The following PIGBOS1 variants were observed in gnomAD, a reference collection of about 807,000 sequenced individuals.
PIGBOS1 encodes the protein PIGB opposite strand 1.
At chr15:55,317,943 A>C (rs965935637) in intron 1 of PIGBOS1, 76 bp from the exon 2 acceptor site, 3 of 380,854 alleles carry the variant, frequency 7.9e-6, no homozygotes, top group Non-Finnish European at 1.4e-5. Flanking sequence ...ACTACTTTGC[A>C]CTGGAGTGAA....
In PIGBOS1 at chr15:55,318,976, CCTG is replaced by C. The variant is rs1162212184; in HGVS notation, c.-191_-189del. On this transcript the variant is annotated 5_prime_UTR_variant, in exon 1 of 2. Coordinates refer to ENST00000436697, the MANE Select transcript of PIGBOS1 (RefSeq NM_001308421.2). ...CTCCACGTCACTAAACTCGCTACCG[CCTG>C]CTCCCCTCCAGAGACCGGGGGCCTT... 2 of 404,804 alleles carry C rather than the reference CCTG, an allele frequency of 4.9e-6. No individual in the cohort carries two copies. Among genetic ancestry groups the C allele is most frequent in the Non-Finnish European group, 9.0e-6 (2 of 223,446 alleles). 25.1% of individuals were successfully genotyped at this position (404,804 alleles called of 1,614,324 possible). A position where few individuals can be genotyped will look rare whatever the true frequency, so the allele number is the denominator to read the frequency against.
In PIGBOS1 at chr15:55,318,885, T is replaced by G. The variant is rs909064081; in HGVS notation, c.-97A>C. On this transcript the variant is annotated 5_prime_UTR_variant, in exon 1 of 2. Transcript: ENST00000436697. ...GAACCTGAAATGTTAACACCAACAC[T>G]GACGTCTACAATTACCGTTACCGTT... The G allele has an allele frequency of 5.0e-6, 1 of 201,994 alleles. No homozygotes were observed. Among genetic ancestry groups the G allele is most frequent in the African/African-American group, 2.3e-5 (1 of 42,854 alleles). The allele number at this position is 201,994 out of a possible 1,614,324, so 12.5% of individuals were successfully genotyped here.
chr15:55,318,309 G>A (rs2055077023), intron 1 of PIGBOS1, among the ~76,000 whole-genome samples: 1 of 151,220 alleles, frequency 6.6e-6, no homozygotes, highest in Non-Finnish European at 1.5e-5. Context: ...GTGTTAGCCA[G>A]GATGGTCTCG....
At chr15:55,318,713 C>T (rs1401825798) in intron 1 of PIGBOS1, among the ~76,000 whole-genome samples, 151 bp downstream of exon 1, 1 of 103,094 alleles carries the variant, frequency 9.7e-6, no homozygotes, top group Non-Finnish European at 1.7e-5. Context: ...AAAAAAAAAA[C>T]AAAAACAAAA....
In PIGBOS1 at chr15:55,319,055, T is replaced by G; in HGVS notation, c.-267A>C. On this transcript the variant is annotated 5_prime_UTR_variant, in exon 1 of 2. Coordinates refer to ENST00000436697, the MANE Select transcript of PIGBOS1 (RefSeq NM_001308421.2). ...CAGAGACCGCCAAGCCAAAGGCGAG[T>G]AGCAATCCCTCGGTTCGGAAACGGC... 1.7e-6 allele frequency: 1 copy of G among 602,978 alleles called. No homozygotes were observed. Among genetic ancestry groups the G allele is most frequent in the Non-Finnish European group, 2.7e-6 (1 of 364,606 alleles). The allele number at this position is 602,978 out of a possible 1,614,324, so 37.4% of individuals were successfully genotyped here.
At chr15:55,318,120 C>A (rs557154978) in intron 1 of PIGBOS1, among the ~76,000 whole-genome samples, 2 of 134,626 alleles carry the variant, frequency 1.5e-5, no homozygotes, top group South Asian at 2.3e-4. Context: ...TTTTTTGAGA[C>A]GGAGTCTCGC....
Position 55,318,903 on chromosome 15 carries a change from T to A in PIGBOS1, c.-115A>T. 1 of 227,730 alleles carries A rather than the reference T, an allele frequency of 4.4e-6. No homozygotes were observed. Among genetic ancestry groups the A allele is most frequent in the Non-Finnish European group, 8.7e-6 (1 of 114,734 alleles). 14.1% of individuals were successfully genotyped at this position (227,730 alleles called of 1,614,324 possible). ...CCAACACTGACGTCTACAATTACCGTTACCGTTTTTAATAACCACTCAGGT... is the reference window on the plus strand; with the variant it reads ...CCAACACTGACGTCTACAATTACCGATACCGTTTTTAATAACCACTCAGGT... On this transcript the variant is annotated 5_prime_UTR_variant, in exon 1 of 2. Transcript: ENST00000436697.
rs922564571 is a variant in PIGBOS1, at chr15:55,317,736, A to G, written c.57T>C (p.Ala19=). 2.5e-6 allele frequency: 1 copy of G among 398,514 alleles called. No homozygotes were observed. The highest frequency in any genetic ancestry group is 2.1e-5 in the African/African-American group (1 of 48,636). The allele number at this position is 398,514 out of a possible 1,614,324, so 24.7% of individuals were successfully genotyped here. Residue 19 remains alanine (A), a synonymous_variant, in exon 2 of 2, where the codon GCT becomes GCC. Coordinates refer to ENST00000436697, the MANE Select transcript of PIGBOS1 (RefSeq NM_001308421.2). The stretch of plus-strand genomic sequence containing the variant: ...CTGGTTGAAAAATATATACTCCTCC[A>G]GCAATTCCAAGGACAGTGGCAAAAA... ...QLLFATVLGI[A]GGVYIFQPVF...
Position 55,319,081 on chromosome 15 carries a change from G to GA in PIGBOS1, c.-294dup. ...AGCAATCCCTCGGTTCGGAAACGGC[G>GA]AAAGGAAACCGCAAGGAGGCCACCA... On this transcript the variant is annotated 5_prime_UTR_variant, in exon 1 of 2. Transcript: ENST00000436697. 1.3e-6 allele frequency: 1 copy of GA among 784,650 alleles called. No individual in the cohort carries two copies. 48.6% of individuals were successfully genotyped at this position (784,650 alleles called of 1,614,324 possible). A position where few individuals can be genotyped will look rare whatever the true frequency, so the allele number is the denominator to read the frequency against.
At chr15:55,318,432 C>CA (rs1354143513) in intron 1 of PIGBOS1, among the ~76,000 whole-genome samples, 1 of 141,282 alleles carries the variant, frequency 7.1e-6, no homozygotes, top group African/African-American at 2.5e-5. Context: ...GGGCCGCACG[C>CA]GGTGGCTCAC....
At position 55,317,798 on chromosome 15, in the gene PIGBOS1, C is replaced by A; in HGVS notation, c.-6G>T. Reference sequence around the variant, plus strand: ...AAAGTCAATCTCCTAAACATTGCTGCAACAAATACAGCTCAAGGAAAAGCT... The same window carrying A: ...AAAGTCAATCTCCTAAACATTGCTGAAACAAATACAGCTCAAGGAAAAGCT... On this transcript the variant is annotated 5_prime_UTR_variant, in exon 2 of 2. Coordinates refer to ENST00000436697, the MANE Select transcript of PIGBOS1 (RefSeq NM_001308421.2). 2.5e-6 allele frequency: 1 copy of A among 398,014 alleles called. No individual in the cohort carries two copies. Among genetic ancestry groups the A allele is most frequent in the Non-Finnish European group, 4.4e-6 (1 of 225,668 alleles). The allele number at this position is 398,014 out of a possible 1,614,324, so 24.7% of individuals were successfully genotyped here.
Position 55,317,765 on chromosome 15 carries a change from G to C in PIGBOS1, c.28C>G (p.Leu10Val). 1 of 398,550 alleles carries C rather than the reference G, an allele frequency of 2.5e-6. No individual in the cohort carries two copies. 24.7% of individuals were successfully genotyped at this position (398,550 alleles called of 1,614,324 possible). MFRRLTFAQ[L>V]LFATVLGIAG... is the part of the protein sequence containing the mutation. Reference sequence around the variant, plus strand: ...ATTCCAAGGACAGTGGCAAAAAGCAGTTGTGCAAAAGTCAATCTCCTAAAC... The same window carrying C: ...ATTCCAAGGACAGTGGCAAAAAGCACTTGTGCAAAAGTCAATCTCCTAAAC... The change falls in exon 2 of 2, where the codon CTG (leucine) becomes GTG (valine). Residue 10 changes from leucine to valine, a missense_variant. Transcript: ENST00000436697.
Position 55,317,824 on chromosome 15 carries a change from G to A in PIGBOS1, c.-32C>T. 7.6e-6 allele frequency: 3 copies of A among 397,200 alleles called. No individual in the cohort carries two copies. The highest frequency in any genetic ancestry group is 6.3e-4 in the Middle Eastern group (1 of 1,584). The allele number at this position is 397,200 out of a possible 1,614,324, so 24.6% of individuals were successfully genotyped here. The stretch of plus-strand genomic sequence containing the variant: ...AACAAATACAGCTCAAGGAAAAGCT[G>A]GTTTTGGAAAGTCACACTCCACACC... On this transcript the variant is annotated 5_prime_UTR_variant, in exon 2 of 2. Coordinates refer to ENST00000436697, the MANE Select transcript of PIGBOS1 (RefSeq NM_001308421.2).
rs550943782 is a variant in PIGBOS1 at position 55,318,697 on chromosome 15, G to C, written c.-76+167C>G. On this transcript the variant is annotated intron_variant, in intron 1 of 1. Coordinates refer to ENST00000436697, the MANE Select transcript of PIGBOS1 (RefSeq NM_001308421.2). The stretch of plus-strand genomic sequence containing the variant: ...GCCTGGACTACAAGAGCGAAACTCC[G>C]TCTCAAAAAAAAAAACAAAAACAAA... Among the ~76,000 whole-genome samples, 4 of 135,814 alleles carry C rather than the reference G, an allele frequency of 2.9e-5. No homozygotes were observed. In the East Asian group the frequency reaches 7.1e-4, roughly 24 times the overall value. The allele number at this position is 135,814 out of a possible 152,430, so 89.1% of individuals were successfully genotyped here.
In PIGBOS1 at chr15:55,317,483, T is replaced by G; in HGVS notation, c.*145A>C. 6.6e-6 allele frequency: 2 copies of G among 304,892 alleles called. No homozygotes were observed. Among genetic ancestry groups the G allele is most frequent in the Non-Finnish European group, 6.0e-6 (1 of 166,534 alleles). 18.9% of individuals were successfully genotyped at this position (304,892 alleles called of 1,614,324 possible). A position where few individuals can be genotyped will look rare whatever the true frequency, so the allele number is the denominator to read the frequency against. On this transcript the variant is annotated 3_prime_UTR_variant, in exon 2 of 2. Coordinates refer to ENST00000436697, the MANE Select transcript of PIGBOS1 (RefSeq NM_001308421.2). ...GCGCATGCCACCAAGCCTGGCTGAT[T>G]TTTGTATTTTCAGTAGAGACAGGGT...
chr15:55,317,843 CCA>C lies in PIGBOS1; in HGVS notation c.-53_-52del, dbSNP rs1429922298. 1 of 396,230 alleles carries C rather than the reference CCA, an allele frequency of 2.5e-6. No individual in the cohort carries two copies. The highest frequency in any genetic ancestry group is 4.4e-6 in the Non-Finnish European group (1 of 224,734). 24.5% of individuals were successfully genotyped at this position (396,230 alleles called of 1,614,324 possible). On this transcript the variant is annotated 5_prime_UTR_variant, in exon 2 of 2. Transcript: ENST00000436697. Reference sequence around the variant, plus strand: ...AAAGCTGGTTTTGGAAAGTCACACTCCACACCCAGGAAATCTCTTCAAATCTG... The same window carrying C: ...AAAGCTGGTTTTGGAAAGTCACACTCCACCCAGGAAATCTCTTCAAATCTG...
At position 55,317,337 on chromosome 15, in the gene PIGBOS1, T is replaced by A. The variant is rs1284737774; in HGVS notation, c.*291A>T. 1 of 175,838 alleles carries A rather than the reference T, an allele frequency of 5.7e-6. No homozygotes were observed. Among genetic ancestry groups the A allele is most frequent in the African/African-American group, 2.4e-5 (1 of 42,482 alleles). The allele number at this position is 175,838 out of a possible 1,614,324, so 10.9% of individuals were successfully genotyped here. ...TTTTTTTGCTTTTTGTTTTTTTAGA[T>A]GGAGTCTCGCTCTGTCACCCAGGCT... On this transcript the variant is annotated 3_prime_UTR_variant, in exon 2 of 2. Coordinates refer to ENST00000436697, the MANE Select transcript of PIGBOS1 (RefSeq NM_001308421.2).
intron 1 of PIGBOS1, among the ~76,000 whole-genome samples, 152 bp downstream of exon 1, chr15:55,318,700 TCAAAAAAAAAAA>T (rs2055087999): frequency 1.7e-5 from 2 of 121,184 alleles, no homozygotes; most frequent in Non-Finnish European, 3.2e-5. Flanking sequence ...AAACTCCGTC[TCAAAAAAAAAAA>T]CAAAAACAAA....
In PIGBOS1 at chr15:55,317,605, G is replaced by A. The variant is rs1419359024; in HGVS notation, c.*23C>T. On this transcript the variant is annotated 3_prime_UTR_variant, in exon 2 of 2. Coordinates refer to ENST00000436697, the MANE Select transcript of PIGBOS1 (RefSeq NM_001308421.2). ...TGGGATTACAGGCGTGAGCCACTGC[G>A]CCAGGCCTAACTCCATGTAGTATTA... 1.8e-5 allele frequency: 7 copies of A among 396,252 alleles called. No homozygotes were observed. Among genetic ancestry groups the A allele is most frequent in the Admixed American group, 4.4e-5 (1 of 22,662 alleles). 24.5% of individuals were successfully genotyped at this position (396,252 alleles called of 1,614,324 possible).
Sources: allele counts gnomAD v4.1 joint callset (sites outside exome capture counted in the v4.1 genomes callset), GRCh38; gene constraint gnomAD v4.1.1; transcripts MANE v1.5; gene names NCBI Gene and HGNC (gene_info 2026-07-23, HGNC 2026-07-21).